ZNF561: variants seen among roughly 807,000 people sequenced by gnomAD.
ZNF561 encodes the protein zinc finger protein 561.
A neutral mutation model predicts 16.7 loss-of-function variants in ZNF561; 16 were observed. That is an observed-to-expected ratio of 0.96 (90% confidence interval 0.65 to 1.45). ZNF561 has a LOEUF of 1.45. Among genes scored for constraint, ZNF561 ranks in the 40% most tolerant of loss-of-function variants. The pLI is 0.00. For missense variants in ZNF561, 580 were observed against 578.0 expected (o/e 1.00, Z -0.04); for synonymous variants, 190 against 192.1 (o/e 0.99, Z 0.09).
chr19:9,615,347 A>C (rs988372663), intron 4 of ZNF561, among the ~76,000 whole-genome samples: 10 of 151,756 alleles, frequency 6.6e-5, no homozygotes, highest in Non-Finnish European at 1.3e-4. Flanking sequence ...CTGTAATCCT[A>C]ACACTTTGGG....
intron 1 of ZNF561, 109 bp from the exon 2 acceptor site, chr19:9,619,691 AC>A: frequency 2.5e-6 from 1 of 394,744 alleles, no homozygotes; most frequent in Non-Finnish European, 4.6e-6. Context: ...AAAATTGCCC[AC>A]TCAGTACCGT....
intron 4 of ZNF561, among the ~76,000 whole-genome samples, chr19:9,614,745 G>A (rs1338827771): frequency 1.3e-5 from 2 of 151,918 alleles, no homozygotes; most frequent in African/African-American, 4.8e-5. Flanking sequence ...TAGATCATAG[G>A]AATGTTTGAC....
rs191641215 is a variant in ZNF561, at chr19:9,609,538, G to T, written c.*662C>A. ...TGGCTGAACGATCATCTGATAAAGA[G>T]ATCATGAGTGGGATTCATGGACTAT... On this transcript the variant is annotated 3_prime_UTR_variant, in exon 6 of 6. Transcript: ENST00000302851. 1 of 152,358 alleles carries T rather than the reference G, an allele frequency of 6.6e-6. No individual in the cohort carries two copies. The highest frequency in any genetic ancestry group is 2.4e-5 in the African/African-American group (1 of 41,580). 9.4% of individuals were successfully genotyped at this position (152,358 alleles called of 1,614,324 possible).
rs1211499175 is a variant in ZNF561, at chr19:9,607,655, C to G, written c.*2545G>C. The G allele has an allele frequency of 2.6e-5, 4 of 152,224 alleles. No individual in the cohort carries two copies. The East Asian group carries it at 7.7e-4, about 29-fold the overall frequency. The allele number at this position is 152,224 out of a possible 1,614,324, so 9.4% of individuals were successfully genotyped here. On this transcript the variant is annotated 3_prime_UTR_variant, in exon 6 of 6. Coordinates refer to ENST00000302851, the MANE Select transcript of ZNF561 (RefSeq NM_152289.3). ...ATTACTGCTATTCATTGGTGGTGTG[C>G]TGGAGGTTGAAATTAGTCCAGTAAA...
At position 9,607,470 on chromosome 19, in the gene ZNF561, T is replaced by C. The variant is rs1321691051; in HGVS notation, c.*2730A>G. On this transcript the variant is annotated 3_prime_UTR_variant, in exon 6 of 6. Coordinates refer to ENST00000302851, the MANE Select transcript of ZNF561 (RefSeq NM_152289.3). Reference sequence around the variant, plus strand: ...TTCAAGAGGAATTCAGCCTCATGAATTATGAAATACTGGGAAATCATTCAT... The same window carrying C: ...TTCAAGAGGAATTCAGCCTCATGAACTATGAAATACTGGGAAATCATTCAT... 2 of 152,214 alleles carry C rather than the reference T, an allele frequency of 1.3e-5. No individual in the cohort carries two copies. The highest frequency in any genetic ancestry group is 2.4e-5 in the African/African-American group (1 of 41,468). The allele number at this position is 152,214 out of a possible 1,614,324, so 9.4% of individuals were successfully genotyped here.
At chr19:9,619,926 C>CTATCTATCTATCTATCTATCTATT (rs1555692407) in intron 1 of ZNF561, among the ~76,000 whole-genome samples, 2 of 129,882 alleles carry the variant, frequency 1.5e-5, no homozygotes, top group Non-Finnish European at 3.3e-5. Context: ...TCTATCCTAT[C>CTATCTATCTATCTATCTATCTATT]TATCTATCTA....
chr19:9,611,671 C>T (rs1462387142), intron 5 of ZNF561, among the ~76,000 whole-genome samples: 1 of 152,140 alleles, frequency 6.6e-6, no homozygotes, highest in Non-Finnish European at 1.5e-5. Flanking sequence ...TCTCAAACTC[C>T]TAAGCTCAGG....
At chr19:9,612,462 C>G (rs938970938) in intron 5 of ZNF561, among the ~76,000 whole-genome samples, 2 of 152,174 alleles carry the variant, frequency 1.3e-5, no homozygotes, top group African/African-American at 4.8e-5. Context: ...TCATGATCTG[C>G]CTGCCTCAAC....
intron 3 of ZNF561, 115 bp downstream of exon 3, chr19:9,617,976 A>G (rs1249027666): frequency 4.1e-6 from 4 of 972,800 alleles, no homozygotes; most frequent in South Asian, 1.5e-5. Context: ...TCAGTCCTTG[A>G]GTAAGGCTTC....
rs1160088886 is a variant in ZNF561 at position 9,611,140 on chromosome 19, C to T, written c.521G>A (p.Cys174Tyr). 8.1e-6 allele frequency: 13 copies of T among 1,614,030 alleles called. No homozygotes were observed. The highest frequency in any genetic ancestry group is 1.0e-5 in the Non-Finnish European group (12 of 1,179,902). Residue 174 changes from cysteine (C) to tyrosine (Y), a missense_variant, in exon 6 of 6, where the codon TGT becomes TAT. Transcript: ENST00000302851. ...TGGAGTTAGAGTAAAGACTTTTCCA[C>T]ATGGATTAAATTTGGAAAGTTCCTG... ...TGQELSKFNP[C>Y]GKVFTLTPGL...
Position 9,609,919 on chromosome 19 carries a change from G to T in ZNF561, c.*281C>A. Reference sequence around the variant, plus strand: ...AACAGGGGCTGGGGTCAATCTGCATGATTTATCTCATACACAACTTGTTAA... The same window carrying T: ...AACAGGGGCTGGGGTCAATCTGCATTATTTATCTCATACACAACTTGTTAA... On this transcript the variant is annotated 3_prime_UTR_variant, in exon 6 of 6. Transcript: ENST00000302851. 3.6e-6 allele frequency: 1 copy of T among 280,748 alleles called. No individual in the cohort carries two copies. The highest frequency in any genetic ancestry group is 1.0e-4 in the South Asian group (1 of 9,872). The allele number at this position is 280,748 out of a possible 1,614,324, so 17.4% of individuals were successfully genotyped here.
intron 2 of ZNF561, 45 bp downstream of exon 2, chr19:9,619,387 G>A: frequency 6.2e-7 from 1 of 1,606,382 alleles, no homozygotes; most frequent in Non-Finnish European, 8.5e-7. Flanking sequence ...TGTGGAGGGT[G>A]ACCTAAAGCA....
intron 2 of ZNF561, among the ~76,000 whole-genome samples, chr19:9,618,859 G>A (rs1190013980): frequency 2.0e-5 from 3 of 152,180 alleles, no homozygotes; most frequent in Non-Finnish European, 4.4e-5. Flanking sequence ...GCTCATGCCT[G>A]TAATCCCAAT....
chr19:9,618,292 C>A, intron 2 of ZNF561, 113 bp from the exon 3 acceptor site: 1 of 1,026,330 alleles, frequency 9.7e-7, no homozygotes, highest in South Asian at 1.5e-5. Flanking sequence ...CCTACACACT[C>A]GAGAAAACTA....
chr19:9,610,925 C>A lies in ZNF561; in HGVS notation c.736G>T (p.Val246Phe). The A allele has an allele frequency of 6.2e-7, 1 of 1,614,154 alleles. No homozygotes were observed. The highest frequency in any genetic ancestry group is 8.5e-7 in the Non-Finnish European group (1 of 1,180,024). Residue 246 changes from valine to phenylalanine, a missense_variant, in exon 6 of 6, where the codon GTT (valine) becomes TTT (phenylalanine). Physicochemically the swap from Val to Phe is conservative, Grantham distance 50 (BLOSUM62 -1). Transcript: ENST00000302851. Reference sequence around the variant, plus strand: ...TTTTTGGATTTCTTTCCTGTATGAACTGCTACACACTGCTTTAGGTGTGAA... The same window carrying A: ...TTTTTGGATTTCTTTCCTGTATGAAATGCTACACACTGCTTTAGGTGTGAA... Reference protein sequence around the residue: ...ASSHLKQCVAVHTGKKSKKTK... With the variant: ...ASSHLKQCVAFHTGKKSKKTK...
chr19:9,610,025 A>G lies in ZNF561; in HGVS notation c.*175T>C. The G allele has an allele frequency of 1.7e-6, 1 of 595,838 alleles. No individual in the cohort carries two copies. The allele number at this position is 595,838 out of a possible 1,614,324, so 36.9% of individuals were successfully genotyped here. The stretch of plus-strand genomic sequence containing the variant: ...CACCATCCATGACCCTTCTTCACAG[A>G]TGCCCAGACTCAGGCAACCATGATG... On this transcript the variant is annotated 3_prime_UTR_variant, in exon 6 of 6. Transcript: ENST00000302851.
At chr19:9,619,058 G>C (rs997155548) in intron 2 of ZNF561, 2 of 154,724 alleles carry the variant, frequency 1.3e-5, no homozygotes, top group African/African-American at 4.8e-5. Flanking sequence ...CAGCCTGGGA[G>C]ACAGAGTGAG....
rs775121778 is a variant in ZNF561 at position 9,614,047 on chromosome 19, T to C, written c.298A>G (p.Asn100Asp). The part of the protein sequence containing the change: ...RSSLQQGFLK[N>D]QIFSGIQMTR... ...ATTTGTATCCCACTGAATATTTGAT[T>C]CTTCAAAAAACCCTGCTGAAGTGAT... Residue 100 changes from asparagine (N) to aspartate (D), a missense_variant, in exon 5 of 6, where the codon AAT (asparagine) becomes GAT (aspartate). Transcript: ENST00000302851. The C allele has an allele frequency of 1.2e-5, 20 of 1,613,888 alleles. No individual in the cohort carries two copies.
rs2144858416 is a variant in ZNF561, at chr19:9,608,708, G to T, written c.*1492C>A. 1 of 152,288 alleles carries T rather than the reference G, an allele frequency of 6.6e-6. No homozygotes were observed. Among genetic ancestry groups the T allele is most frequent in the Non-Finnish European group, 1.5e-5 (1 of 68,022 alleles). 9.4% of individuals were successfully genotyped at this position (152,288 alleles called of 1,614,324 possible). ...GAGGAACATGCTATTGGGAAATAAA[G>T]AAAATACAACCCTTGATACGAAGTA... On this transcript the variant is annotated 3_prime_UTR_variant, in exon 6 of 6. Coordinates refer to ENST00000302851, the MANE Select transcript of ZNF561 (RefSeq NM_152289.3).
Sources: gnomAD v4.1 joint callset for allele counts (sites outside exome capture counted in the v4.1 genomes callset) on GRCh38, gnomAD v4.1.1 for gene constraint, MANE v1.5 for transcripts, NCBI Gene and HGNC (gene_info 2026-07-23, HGNC 2026-07-21) for gene names.